The following MYO5B variants were observed in gnomAD, a reference collection of about 807,000 sequenced individuals.
MYO5B encodes myosin VB.
A neutral mutation model predicts 229.3 loss-of-function variants in MYO5B; 143 were observed. The observed-to-expected ratio is 0.62, with a 90% CI of 0.54 to 0.72. MYO5B has a LOEUF of 0.72. MYO5B is among the 30% of genes least tolerant of loss of function. The pLI is 0.00. For missense variants in MYO5B, 2,321 were observed against 2,331.0 expected (o/e 1.00, Z 0.09); for synonymous variants, 918 against 885.2 (o/e 1.04, Z -0.66).
At chr18:49,962,173 T>C in intron 12 of MYO5B, 93 bp downstream of exon 12, 1 of 1,546,362 alleles carries the variant, frequency 6.5e-7, no homozygotes, top group Non-Finnish European at 8.9e-7. Context: ...GGCCAGCTGA[T>C]CACAGATGAA....
At chr18:49,999,571 ATAGT>A (rs1368619071) in intron 5 of MYO5B, among the ~76,000 whole-genome samples, 3 of 152,376 alleles carry the variant, frequency 2.0e-5, no homozygotes, top group East Asian at 3.9e-4. Context: ...TTATGCTGTA[ATAGT>A]TAGTAAAAAA....
At chr18:50,055,921 CTCT>C (rs1444579054) in intron 1 of MYO5B, among the ~76,000 whole-genome samples, 1 of 152,136 alleles carries the variant, frequency 6.6e-6, no homozygotes, top group Non-Finnish European at 1.5e-5. Flanking sequence ...TATCTGTCCA[CTCT>C]TTTTCTTTTT....
In MYO5B at chr18:49,906,548, T is replaced by A. The variant is rs750716365; in HGVS notation, c.2285A>T (p.Asp762Val). The change falls in exon 19 of 40, where the codon GAC becomes GTC. Residue 762 changes from aspartate to valine, a missense_variant. This residue lies in a region of MYO5B where 2,113 missense variants were observed against 2,044.7 expected (regional missense o/e 1.03). Transcript: ENST00000285039. The stretch of plus-strand genomic sequence containing the variant: ...CATGATGGTGGCTGTCCGGAACTTG[T>A]CAGCCCGCAGCTTCTCCAGGTAGGC... The part of the protein sequence containing the change: ...QVAYLEKLRA[D>V]KFRTATIMIQ... 1.1e-4 allele frequency: 173 copies of A among 1,614,060 alleles called. No individual in the cohort carries two copies. The highest frequency in any genetic ancestry group is 1.4e-4 in the Non-Finnish European group (168 of 1,180,040).
chr18:50,000,422 C>T (rs1239258869), intron 5 of MYO5B, among the ~76,000 whole-genome samples: 1 of 152,156 alleles, frequency 6.6e-6, no homozygotes, highest in African/African-American at 2.4e-5. Context: ...AAGGCCTGCT[C>T]CTACCAACTG....
chr18:50,037,389 A>T (rs1040488082), intron 3 of MYO5B, among the ~76,000 whole-genome samples: 17 of 152,390 alleles, frequency 1.1e-4, no homozygotes, highest in Middle Eastern at 3.4e-3. Context: ...GGAAAGGATT[A>T]TACATTTTCT....
At chr18:50,016,181 A>C (rs957911530) in intron 4 of MYO5B, among the ~76,000 whole-genome samples, 2 of 152,142 alleles carry the variant, frequency 1.3e-5, no homozygotes, top group African/African-American at 4.8e-5. Flanking sequence ...TGGCCAGTTG[A>C]TTAACTGTTT....
intron 1 of MYO5B, among the ~76,000 whole-genome samples, chr18:50,118,574 T>C (rs540095651): frequency 6.6e-6 from 1 of 152,182 alleles, no homozygotes; most frequent in East Asian, 1.9e-4. Flanking sequence ...AGGGTACATG[T>C]GCACAACGTG....
intron 39 of MYO5B, among the ~76,000 whole-genome samples, chr18:49,827,793 T>A (rs938742651): frequency 1.3e-5 from 2 of 151,680 alleles, no homozygotes; most frequent in African/African-American, 4.8e-5. Context: ...CCAAATCTGA[T>A]GAAAGACATG....
At chr18:49,856,924 G>A (rs1259185721) in intron 29 of MYO5B, 34 bp from the exon 30 acceptor site, 20 of 1,561,042 alleles carry the variant, frequency 1.3e-5, no homozygotes, top group Non-Finnish European at 1.6e-5. Context: ...AGGGTGTCCA[G>A]TGTAGACGGA....
intron 1 of MYO5B, among the ~76,000 whole-genome samples, chr18:50,180,350 C>T (rs2033055466): frequency 6.6e-6 from 1 of 152,158 alleles, no homozygotes; most frequent in Admixed American, 6.5e-5. Context: ...ATCAACAAGC[C>T]TGAGGGGTGT....
chr18:50,043,621 A>G (rs1487595520), intron 2 of MYO5B, among the ~76,000 whole-genome samples: 2 of 134,560 alleles, frequency 1.5e-5, no homozygotes, highest in Admixed American at 8.4e-5. Context: ...AATATATATA[A>G]ATATATAAAT....
At chr18:50,164,422 C>A (rs2032814108) in intron 1 of MYO5B, among the ~76,000 whole-genome samples, 1 of 152,210 alleles carries the variant, frequency 6.6e-6, no homozygotes, top group Non-Finnish European at 1.5e-5. Context: ...GAAAGACACA[C>A]ACCAACACAG....
In MYO5B at chr18:50,154,728, T is replaced by A. The variant is rs568486825; in HGVS notation, c.27+40039A>T. 2.0e-5 allele frequency among the ~76,000 whole-genome samples: 3 copies of A among 152,332 alleles called. No homozygotes were observed. The East Asian group carries it at 5.8e-4, about 29-fold the overall frequency. On this transcript the variant is annotated intron_variant, in intron 1 of 39. Transcript: ENST00000285039. ...AGGATGACACTGAGGTGGGAGGGAC[T>A]GGAATTAGTCATAAGGAAGACTTTC...
chr18:50,045,832 T>C (rs1190089907), intron 2 of MYO5B, among the ~76,000 whole-genome samples: 8 of 152,230 alleles, frequency 5.3e-5, no homozygotes, highest in African/African-American at 1.4e-4. Flanking sequence ...GCCTAGACTG[T>C]TCTAAGCCCT....
At chr18:49,912,533 G>A (rs2024970018) in intron 17 of MYO5B, among the ~76,000 whole-genome samples, 1 of 152,190 alleles carries the variant, frequency 6.6e-6, no homozygotes. Flanking sequence ...TACCCAGTGG[G>A]AGATAACTGA....
chr18:49,936,192 C>G (rs1022496973), intron 16 of MYO5B, 60 bp downstream of exon 16: 10 of 1,446,706 alleles, frequency 6.9e-6, no homozygotes, highest in Non-Finnish European at 8.6e-6. Context: ...CCTGGGCCAC[C>G]CTGTTCCACC....
At chr18:50,095,489 G>C (rs545888449) in intron 1 of MYO5B, among the ~76,000 whole-genome samples, 1 of 152,282 alleles carries the variant, frequency 6.6e-6, no homozygotes, top group South Asian at 2.1e-4. Flanking sequence ...CATGAAGCAG[G>C]CACATGTGCT....
chr18:49,965,455 T>TCTCTCTCACA (rs1555647768), intron 10 of MYO5B, among the ~76,000 whole-genome samples: 2 of 147,214 alleles, frequency 1.4e-5, no homozygotes, highest in Admixed American at 1.4e-4. Context: ...ACACTTCTTT[T>TCTCTCTCACA]CACACACACA....
At chr18:50,045,817 C>T (rs1464454995) in intron 2 of MYO5B, among the ~76,000 whole-genome samples, 1 of 152,186 alleles carries the variant, frequency 6.6e-6, no homozygotes, top group Non-Finnish European at 1.5e-5. Context: ...CTATTGGTAG[C>T]GCTGGCCTAG....
Sources: allele counts gnomAD v4.1 joint callset (sites outside exome capture counted in the v4.1 genomes callset), GRCh38; gene constraint gnomAD v4.1.1; regional missense constraint gnomAD v4.1.1; transcripts MANE v1.5; gene names NCBI Gene and HGNC (gene_info 2026-07-23, HGNC 2026-07-21).